STK3: variants seen among roughly 807,000 people sequenced by gnomAD.
The protein encoded by STK3 is serine/threonine-protein kinase 3.
Under a neutral mutation model 58.0 loss-of-function variants are expected in STK3, and 41 were observed. That is an observed-to-expected ratio of 0.71 (90% CI 0.55 to 0.92). STK3 has a LOEUF of 0.92. Among genes scored for constraint, STK3 ranks in the 40% least tolerant of loss-of-function variants. The pLI is 0.00. For synonymous variants in STK3, 170 were observed against 191.0 expected (o/e 0.89, Z 0.91); for missense variants, 479 against 602.7 (o/e 0.79, Z 2.15).
intron 10 of STK3, among the ~76,000 whole-genome samples, chr8:98,456,572 C>T (rs1819503844): frequency 6.6e-6 from 1 of 152,180 alleles, no homozygotes; most frequent in South Asian, 2.1e-4. Flanking sequence ...ATGATCAATT[C>T]TGGAGTAGGA....
chr8:98,469,310 C>T (rs576882249), intron 10 of STK3, among the ~76,000 whole-genome samples: 27 of 150,564 alleles, frequency 1.8e-4, no homozygotes, highest in African/African-American at 5.6e-4. Context: ...AACTGTTTTT[C>T]GGTATCAACT....
intron 1 of STK3, among the ~76,000 whole-genome samples, chr8:98,775,447 C>T (rs995031316): frequency 9.9e-5 from 15 of 152,194 alleles, no homozygotes; most frequent in East Asian, 1.9e-4. Flanking sequence ...CACAGGTACA[C>T]GCCAGACGCA....
intron 4 of STK3, among the ~76,000 whole-genome samples, chr8:98,741,227 G>A (rs11785038): frequency 2.0e-5 from 3 of 152,222 alleles, no homozygotes; most frequent in Non-Finnish European, 4.4e-5. Context: ...ATTGAACTCA[G>A]CTGTGTACCA....
intron 6 of STK3, among the ~76,000 whole-genome samples, chr8:98,689,783 GA>G (rs1024873011): frequency 1.3e-5 from 2 of 150,824 alleles, no homozygotes; most frequent in Admixed American, 1.3e-4. Context: ...CCTGTCTCAA[GA>G]AAAAAAAATT....
At chr8:98,399,590 T>C (rs1223269266), downstream of STK3, among the ~76,000 whole-genome samples, 1 of 152,260 alleles carries the variant, frequency 6.6e-6, no homozygotes, top group Non-Finnish European at 1.5e-5. Flanking sequence ...AAAGCTTTTC[T>C]ATCTCTCTTA....
At chr8:98,534,568 C>A (rs975200589) in intron 9 of STK3, among the ~76,000 whole-genome samples, 1 of 152,174 alleles carries the variant, frequency 6.6e-6, no homozygotes, top group Non-Finnish European at 1.5e-5. Context: ...TGGTGTTCAT[C>A]TTCAACTTTG....
chr8:98,389,353 C>T (rs145032390), upstream of STK3, among the ~76,000 whole-genome samples: 74 of 152,288 alleles, frequency 4.9e-4, no homozygotes, highest in Non-Finnish European at 6.2e-4. Flanking sequence ...GAAGGACTCT[C>T]GACAACAGGG....
At chr8:98,461,776 C>A (rs186592538) in intron 10 of STK3, among the ~76,000 whole-genome samples, 1 of 152,216 alleles carries the variant, frequency 6.6e-6, no homozygotes, top group Admixed American at 6.5e-5. Context: ...TCTTAGTTAA[C>A]GGTTTTCTGT....
intron 10 of STK3, among the ~76,000 whole-genome samples, chr8:98,485,760 C>CA (rs1822206636): frequency 2.0e-5 from 3 of 151,930 alleles, no homozygotes; most frequent in Admixed American, 2.0e-4. Flanking sequence ...TTCGGGGGCA[C>CA]AGAGAAGGCA....
intron 10 of STK3, among the ~76,000 whole-genome samples, chr8:98,513,855 G>A (rs1387225718): frequency 6.6e-6 from 1 of 152,174 alleles, no homozygotes; most frequent in African/African-American, 2.4e-5. Context: ...AGAGAGAGGG[G>A]AGGAGTTTGA....
intron 1 of STK3, among the ~76,000 whole-genome samples, chr8:98,789,928 T>C (rs1832699518): frequency 6.7e-6 from 1 of 149,074 alleles, no homozygotes; most frequent in African/African-American, 2.5e-5. Flanking sequence ...CTCGGGAGGC[T>C]GAGGCAGGAG....
chr8:98,639,215 T>A (rs1819838945), intron 6 of STK3, among the ~76,000 whole-genome samples: 2 of 151,512 alleles, frequency 1.3e-5, no homozygotes, highest in African/African-American at 2.4e-5. Context: ...GCTCAACCGA[T>A]CCTCTCACCT....
At chr8:98,612,387 A>G (rs1422613811) in intron 6 of STK3, among the ~76,000 whole-genome samples, 1 of 145,948 alleles carries the variant, frequency 6.9e-6, no homozygotes, top group East Asian at 1.9e-4. Flanking sequence ...TTCTAAACAT[A>G]TATATATATA....
intron 6 of STK3, among the ~76,000 whole-genome samples, chr8:98,695,972 G>C (rs924210666): frequency 6.6e-6 from 1 of 151,856 alleles, no homozygotes; most frequent in Non-Finnish European, 1.5e-5. Flanking sequence ...CCATTTTCAC[G>C]ATATTGATTC....
chr8:98,403,993 T>A (rs1349270210), intron 3 of STK3, among the ~76,000 whole-genome samples: 1 of 152,214 alleles, frequency 6.6e-6, no homozygotes, highest in East Asian at 1.9e-4. Context: ...CACTGCATAT[T>A]CTGTCTCCTG....
intron 1 of STK3, among the ~76,000 whole-genome samples, chr8:98,777,082 T>C (rs1163620152): frequency 6.6e-6 from 1 of 151,506 alleles, no homozygotes; most frequent in African/African-American, 2.4e-5. Context: ...ATTTTAAAAA[T>C]AAATAAATAA....
At chr8:98,453,851 G>A (rs762661412), downstream of STK3, among the ~76,000 whole-genome samples, 5 of 152,096 alleles carry the variant, frequency 3.3e-5, no homozygotes, top group Non-Finnish European at 5.9e-5. Flanking sequence ...GCAAGATATC[G>A]AACAGGTTAG....
At chr8:98,886,028 T>C (rs567192258) in intron 1 of STK3, among the ~76,000 whole-genome samples, 18 of 152,244 alleles carry the variant, frequency 1.2e-4, no homozygotes, top group Non-Finnish European at 1.2e-4. Flanking sequence ...AGAGAACAGA[T>C]TAGTGATTTC....
At chr8:98,895,671 C>T (rs534337788) in intron 1 of STK3, among the ~76,000 whole-genome samples, 4 of 152,234 alleles carry the variant, frequency 2.6e-5, no homozygotes, top group East Asian at 1.9e-4. Context: ...CAAGATGAAC[C>T]GAATGCCAAG....
Sources: gnomAD v4.1 joint callset for allele counts (sites outside exome capture counted in the v4.1 genomes callset) on GRCh38, gnomAD v4.1.1 for gene constraint, MANE v1.5 for transcripts, NCBI Gene and HGNC (gene_info 2026-07-23, HGNC 2026-07-21) for gene names.